DPYD: variants seen among roughly 807,000 people sequenced by gnomAD.
DPYD encodes dihydropyrimidine dehydrogenase.
A neutral mutation model predicts 116.2 loss-of-function variants in DPYD; 109 were observed. That is an observed-to-expected ratio of 0.94 (90% CI 0.80 to 1.10). The LOEUF is 1.10. Among genes scored for constraint, DPYD ranks in the 50% least tolerant of loss-of-function variants. The probability of loss-of-function intolerance (pLI) is 0.00; values close to 1 mark genes in which losing one functional copy is unlikely to be tolerated. For missense variants in DPYD, 1,302 were observed against 1,254.5 expected (o/e 1.04, Z -0.57); for synonymous variants, 440 against 432.0 (o/e 1.02, Z -0.23).
chr1:97,097,107 T>C (rs115090638), intron 21 of DPYD, among the ~76,000 whole-genome samples: 1,531 of 152,322 alleles, frequency 0.01, 26 homozygotes, highest in African/African-American at 0.035. Context: ...TTCATACTTT[T>C]AGTGGCACAA....
chr1:97,138,057 T>C (rs1302347863), intron 20 of DPYD, among the ~76,000 whole-genome samples: 1 of 152,162 alleles, frequency 6.6e-6, no homozygotes, highest in East Asian at 1.9e-4. Context: ...CAGGCTTTTT[T>C]CAGTGTCCAC....
chr1:97,591,509 G>A (rs796871722), intron 10 of DPYD, among the ~76,000 whole-genome samples: 42 of 152,140 alleles, frequency 2.8e-4, no homozygotes, highest in African/African-American at 8.2e-4. Flanking sequence ...AATTCATACC[G>A]CTACCCTCTT....
At chr1:97,688,947 C>T (rs1458822489) in intron 7 of DPYD, among the ~76,000 whole-genome samples, 3 of 151,642 alleles carry the variant, frequency 2.0e-5, no homozygotes, top group Non-Finnish European at 4.4e-5. Flanking sequence ...AAATTTAACA[C>T]ACTTTTGATT....
intron 20 of DPYD, among the ~76,000 whole-genome samples, chr1:97,116,009 C>T (rs1280235391): frequency 6.6e-6 from 1 of 151,972 alleles, no homozygotes; most frequent in Non-Finnish European, 1.5e-5. Context: ...AATTAATATC[C>T]TCCAAGAATT....
At chr1:97,723,507 G>A (rs940486075) in intron 4 of DPYD, among the ~76,000 whole-genome samples, 1 of 151,262 alleles carries the variant, frequency 6.6e-6, no homozygotes, top group African/African-American at 2.4e-5. Flanking sequence ...ATAAGCTGGA[G>A]GACATATAGC....
At chr1:97,750,190 T>C (rs1318313801) in intron 3 of DPYD, among the ~76,000 whole-genome samples, 1 of 152,104 alleles carries the variant, frequency 6.6e-6, no homozygotes, top group African/African-American at 2.4e-5. Flanking sequence ...TTTTATGACA[T>C]ATTTGTGGGC....
At chr1:97,361,052 C>A (rs149004577) in intron 16 of DPYD, among the ~76,000 whole-genome samples, 2 of 151,742 alleles carry the variant, frequency 1.3e-5, no homozygotes, top group South Asian at 4.2e-4. Context: ...ATTGATAGAA[C>A]GCTAGCAAGA....
At chr1:97,710,480 T>C (rs1435970769) in intron 5 of DPYD, among the ~76,000 whole-genome samples, 2 of 151,890 alleles carry the variant, frequency 1.3e-5, no homozygotes, top group African/African-American at 4.8e-5. Flanking sequence ...GTTTCAAATG[T>C]ATTAAAAATG....
chr1:97,097,136 A>G (rs1239738458), intron 21 of DPYD, among the ~76,000 whole-genome samples: 1 of 152,206 alleles, frequency 6.6e-6, no homozygotes, highest in Admixed American at 6.5e-5. Context: ...TAACATGAAC[A>G]ACTCAAGAGA....
intron 12 of DPYD, chr1:97,546,143 C>T: frequency 7.0e-7 from 1 of 1,419,618 alleles, no homozygotes; most frequent in Non-Finnish European, 1.0e-6. Flanking sequence ...AGGAGCAGTC[C>T]TTCTGTGCTG....
chr1:97,346,376 G>A (rs74104373), intron 16 of DPYD, among the ~76,000 whole-genome samples: 17,968 of 151,400 alleles, frequency 0.12, 1,378 homozygotes, highest in East Asian at 0.29. Context: ...GTTGTCTTCC[G>A]CTTCTGAATT....
chr1:97,094,965 C>T (rs1468081636), intron 21 of DPYD, among the ~76,000 whole-genome samples: 1 of 151,892 alleles, frequency 6.6e-6, no homozygotes, highest in Non-Finnish European at 1.5e-5. Flanking sequence ...AGGTTAATAT[C>T]AGAAGGAAAA....
chr1:97,314,639 C>T (rs1480814168), intron 16 of DPYD, among the ~76,000 whole-genome samples: 1 of 151,812 alleles, frequency 6.6e-6, no homozygotes, highest in Non-Finnish European at 1.5e-5. Context: ...CACTTCTTTA[C>T]TCTCAAATGG....
In DPYD at chr1:97,672,445, G is replaced by A. The variant is rs145740218; in HGVS notation, c.850+6650C>T. On this transcript the variant is annotated intron_variant, in intron 8 of 22. Coordinates refer to ENST00000370192, the MANE Select transcript of DPYD (RefSeq NM_000110.4). ...ATTTCCCTCATTTCCAAAATCTTGG[G>A]AGCCATTTTACAATTACACCGAAGT... Among the ~76,000 whole-genome samples, 52 of 151,946 alleles carry A rather than the reference G, an allele frequency of 3.4e-4. No individual in the cohort carries two copies. In the East Asian group the frequency reaches 7.4e-3, roughly 21 times the overall value.
chr1:97,264,970 T>C (rs1050433133), intron 18 of DPYD, among the ~76,000 whole-genome samples: 1 of 149,900 alleles, frequency 6.7e-6, no homozygotes, highest in Non-Finnish European at 1.5e-5. Flanking sequence ...AACTTTATAG[T>C]TTTCAGTTAT....
chr1:97,193,365 T>G, intron 19 of DPYD, 117 bp from the exon 20 acceptor site: 3 of 1,077,500 alleles, frequency 2.8e-6, no homozygotes, highest in Non-Finnish European at 4.1e-6. Flanking sequence ...GTTTGAGGCA[T>G]GATGGATCAG....
chr1:97,202,037 G>A (rs1659243719), intron 19 of DPYD, among the ~76,000 whole-genome samples: 1 of 151,754 alleles, frequency 6.6e-6, no homozygotes, highest in African/African-American at 2.4e-5. Context: ...TAAAATAGCT[G>A]TCCAAATGTC....
intron 3 of DPYD, among the ~76,000 whole-genome samples, chr1:97,744,036 C>G (rs899158555): frequency 2.0e-5 from 3 of 151,842 alleles, no homozygotes; most frequent in African/African-American, 7.2e-5. Context: ...ATATTTAATA[C>G]AAAGCATAAC....
chr1:97,858,264 T>A (rs1159799799), intron 2 of DPYD, among the ~76,000 whole-genome samples: 1 of 152,204 alleles, frequency 6.6e-6, no homozygotes, highest in Non-Finnish European at 1.5e-5. Flanking sequence ...AGTGCATAAC[T>A]AAATTGCTTC....
Sources: allele counts gnomAD v4.1 joint callset (sites outside exome capture counted in the v4.1 genomes callset), GRCh38; gene constraint gnomAD v4.1.1; transcripts MANE v1.5; gene names NCBI Gene and HGNC (gene_info 2026-07-23, HGNC 2026-07-21).